The following DENND1A variants were observed in gnomAD, a reference collection of about 807,000 sequenced individuals.
The protein encoded by DENND1A is DENN domain-containing protein 1A.
DENND1A carries 51 observed loss-of-function variants against 113.7 expected under a neutral mutation model. The ratio of observed to expected loss-of-function variants is 0.45; its 90% CI spans 0.36 to 0.57. The LOEUF is 0.57. Among genes scored for constraint, DENND1A ranks in the 20% least tolerant of loss-of-function variants. The pLI, the probability that DENND1A is intolerant of heterozygous loss-of-function variation, is 0.00. For missense variants in DENND1A, 1,258 were observed against 1,395.9 expected (o/e 0.90, Z 1.57); for synonymous variants, 565 against 570.8 (o/e 0.99, Z 0.14).
rs573901980 is a variant in DENND1A at position 123,611,141 on chromosome 9, C to T, written c.720-1660G>A. On this transcript the variant is annotated intron_variant, in intron 10 of 23. Transcript: ENST00000394215. ...GATAATAGCTAAAGAAAGAACTATA[C>T]ACACAATTGCAGTGAAAGTGGAGTT... is the stretch of plus-strand genomic sequence containing the variant. Among the ~76,000 whole-genome samples, 8 of 152,340 alleles carry T rather than the reference C, an allele frequency of 5.3e-5. No homozygotes were observed. The South Asian group carries it at 1.7e-3, about 32-fold the overall frequency.
chr9:123,605,439 G>C (rs1256111545), intron 11 of DENND1A, among the ~76,000 whole-genome samples: 1 of 152,236 alleles, frequency 6.6e-6, no homozygotes, highest in Non-Finnish European at 1.5e-5. Flanking sequence ...TGAATGAAAG[G>C]ACAGTCACTG....
At chr9:123,565,362 G>A (rs181263639) in intron 12 of DENND1A, among the ~76,000 whole-genome samples, 10 of 152,322 alleles carry the variant, frequency 6.6e-5, no homozygotes, top group African/African-American at 2.2e-4. Flanking sequence ...CAGTGCTGGC[G>A]CACCTCATTG....
At chr9:123,578,543 C>A (rs991322268) in intron 12 of DENND1A, among the ~76,000 whole-genome samples, 1 of 152,192 alleles carries the variant, frequency 6.6e-6, no homozygotes, top group African/African-American at 2.4e-5. Context: ...CCATGTCTGG[C>A]CCCAAGCCTC....
intron 15 of DENND1A, among the ~76,000 whole-genome samples, chr9:123,455,104 G>A (rs940135337): frequency 9.2e-5 from 14 of 152,238 alleles, no homozygotes; most frequent in Non-Finnish European, 1.6e-4. Flanking sequence ...TTACAGTCGT[G>A]AGCCACCACG....
chr9:123,791,192 A>C (rs1356651109), intron 3 of DENND1A, among the ~76,000 whole-genome samples: 1 of 152,160 alleles, frequency 6.6e-6, no homozygotes, highest in Non-Finnish European at 1.5e-5. Context: ...TTACCTAGAC[A>C]CAAGACTTTA....
At chr9:123,467,194 G>T (rs941450868) in intron 13 of DENND1A, among the ~76,000 whole-genome samples, 2 of 152,212 alleles carry the variant, frequency 1.3e-5, no homozygotes, top group African/African-American at 4.8e-5. Context: ...TGTTTACTTT[G>T]TGAGCACGTA....
intron 18 of DENND1A, among the ~76,000 whole-genome samples, chr9:123,449,505 A>G (rs1266993043): frequency 1.3e-5 from 2 of 151,118 alleles, no homozygotes; most frequent in Non-Finnish European, 2.9e-5. Flanking sequence ...ATTGCACTCC[A>G]GCATGGCAAC....
chr9:123,777,935 C>A (rs1017999988), intron 3 of DENND1A, among the ~76,000 whole-genome samples: 2 of 152,064 alleles, frequency 1.3e-5, no homozygotes, highest in African/African-American at 4.8e-5. Flanking sequence ...TTATTTCCTA[C>A]AACTTGCAGA....
chr9:123,620,231 A>AG (rs2060882359), intron 10 of DENND1A, among the ~76,000 whole-genome samples: 1 of 149,328 alleles, frequency 6.7e-6, no homozygotes, highest in Non-Finnish European at 1.5e-5. Context: ...AAAAAAAAAA[A>AG]AAAAAAAGAA....
chr9:123,517,482 AT>A (rs2054035593), intron 13 of DENND1A, among the ~76,000 whole-genome samples: 1 of 151,644 alleles, frequency 6.6e-6, no homozygotes, highest in Non-Finnish European at 1.5e-5. Flanking sequence ...TTAGCTGAGC[AT>A]GGTGGTGCGC....
At chr9:123,525,134 C>T (rs1034241035) in intron 13 of DENND1A, among the ~76,000 whole-genome samples, 3 of 152,182 alleles carry the variant, frequency 2.0e-5, no homozygotes, top group African/African-American at 7.2e-5. Flanking sequence ...TGTTCGAGGT[C>T]ACACTGCAAG....
chr9:123,922,357 A>G (rs1328588781), intron 1 of DENND1A, among the ~76,000 whole-genome samples: 1 of 152,222 alleles, frequency 6.6e-6, no homozygotes, highest in Non-Finnish European at 1.5e-5. Context: ...TCTTCCTATC[A>G]GTAAAAAAGT....
intron 11 of DENND1A, among the ~76,000 whole-genome samples, chr9:123,602,451 AC>A (rs1277267001): frequency 6.6e-6 from 1 of 152,076 alleles, no homozygotes. Context: ...ATTGTATGTT[AC>A]CTCTCAGAGC....
intron 13 of DENND1A, among the ~76,000 whole-genome samples, chr9:123,516,909 A>AAAAAAAAAAAAAAAAC (rs1173480563): frequency 9.7e-6 from 1 of 103,180 alleles, no homozygotes; most frequent in Non-Finnish European, 2.3e-5. Flanking sequence ...AAAAAAAAAA[A>AAAAAAAAAAAAAAAAC]AAAAAAAAAA....
In DENND1A at chr9:123,879,023, T is replaced by C; in HGVS notation, c.18-2A>G. On this transcript the variant is annotated splice_acceptor_variant, in intron 1 of 23. Coordinates refer to ENST00000394215, the MANE Select transcript of DENND1A (RefSeq NM_001352964.2). LOFTEE classifies it high-confidence loss of function. ...TCAAATGTGGTCTCTGGATTCTGCC[T>C]ACAAAAGAAACAGATCATGATTACT... 2 of 1,613,730 alleles carry C rather than the reference T, an allele frequency of 1.2e-6. No individual in the cohort carries two copies. The highest frequency in any genetic ancestry group is 1.7e-6 in the Non-Finnish European group (2 of 1,179,830).
At chr9:123,889,361 C>T (rs1312191789) in intron 1 of DENND1A, among the ~76,000 whole-genome samples, 2 of 152,114 alleles carry the variant, frequency 1.3e-5, no homozygotes, top group East Asian at 1.9e-4. Context: ...AGATGTTAAA[C>T]TAATGTAAAG....
intron 22 of DENND1A, among the ~76,000 whole-genome samples, chr9:123,385,269 A>T (rs138155326): frequency 1.1e-3 from 161 of 152,242 alleles, no homozygotes; most frequent in African/African-American, 3.7e-3. Flanking sequence ...GGTTCAAGCA[A>T]TTCTCTTGCC....
At chr9:123,584,774 C>T (rs181078771) in intron 11 of DENND1A, among the ~76,000 whole-genome samples, 13 of 152,280 alleles carry the variant, frequency 8.5e-5, no homozygotes, top group Admixed American at 7.8e-4. Flanking sequence ...GCACCATCCA[C>T]CTCCTCATCG....
intron 6 of DENND1A, 39 bp downstream of exon 6, chr9:123,676,681 C>T (rs558901799): frequency 2.1e-5 from 33 of 1,578,458 alleles, no homozygotes; most frequent in Admixed American, 3.4e-5. Context: ...AAAATTAAAG[C>T]TTATTTGTTT....
Sources: allele counts gnomAD v4.1 joint callset (sites outside exome capture counted in the v4.1 genomes callset), GRCh38; gene constraint gnomAD v4.1.1; transcripts MANE v1.5; gene names NCBI Gene and HGNC (gene_info 2026-07-23, HGNC 2026-07-21).